LRFN5: variants seen among roughly 807,000 people sequenced by gnomAD.
LRFN5 encodes leucine rich repeat and fibronectin type III domain containing 5.
LRFN5 carries 24 observed loss-of-function variants against 45.6 expected under a neutral mutation model. That is an observed-to-expected ratio of 0.53 (90% CI 0.38 to 0.74). The LOEUF is 0.74. LRFN5 is among the 30% of genes least tolerant of loss of function. The pLI, the probability that LRFN5 is intolerant of heterozygous loss-of-function variation, is 0.00. For missense variants in LRFN5, 776 were observed against 861.5 expected (o/e 0.90, Z 1.24); for synonymous variants, 340 against 313.8 (o/e 1.08, Z -0.88).
intron 1 of LRFN5, among the ~76,000 whole-genome samples, chr14:41,734,321 TATATATATATA>T (rs1884321363): frequency 2.9e-5 from 2 of 68,634 alleles, no homozygotes; most frequent in Non-Finnish European, 5.1e-5. Context: ...TGGTTTTATA[TATATATATATA>T]TATATATATA....
rs1289931690 is a variant in LRFN5 at position 41,786,126 on chromosome 14, T to A, written c.-21+19097T>A. On this transcript the variant is annotated intron_variant, in intron 2 of 5. Coordinates refer to ENST00000298119, the MANE Select transcript of LRFN5 (RefSeq NM_152447.5). ...TTGTCTTATAGTTTACTTCTATGTATGTTATAAACTCTACAACATAGAGTT... is the reference window on the plus strand; with the variant it reads ...TTGTCTTATAGTTTACTTCTATGTAAGTTATAAACTCTACAACATAGAGTT... Among the ~76,000 whole-genome samples, 4 of 152,166 alleles carry A rather than the reference T, an allele frequency of 2.6e-5. 1 individual carries two copies. Among genetic ancestry groups the A allele is most frequent in the African/African-American group, 7.2e-5 (3 of 41,442 alleles).
chr14:41,629,095 T>G (rs1888447262), intron 1 of LRFN5, among the ~76,000 whole-genome samples: 1 of 152,060 alleles, frequency 6.6e-6, no homozygotes, highest in African/African-American at 2.4e-5. Flanking sequence ...AGATGCCATA[T>G]GTCTCTACAT....
At chr14:41,670,560 C>A (rs1008998467) in intron 1 of LRFN5, among the ~76,000 whole-genome samples, 60 of 151,500 alleles carry the variant, frequency 4.0e-4, no homozygotes, top group Admixed American at 2.6e-4. Flanking sequence ...ATCTTTCAAG[C>A]CACTTATAAC....
chr14:41,784,717 C>G (rs556311595), intron 2 of LRFN5, among the ~76,000 whole-genome samples: 3 of 152,190 alleles, frequency 2.0e-5, no homozygotes, highest in Admixed American at 1.3e-4. Context: ...TAAGCTTCGC[C>G]TCCTGGGTTC....
chr14:41,626,061 C>T (rs913686463), intron 1 of LRFN5, among the ~76,000 whole-genome samples: 8 of 151,936 alleles, frequency 5.3e-5, no homozygotes, highest in Admixed American at 3.9e-4. Flanking sequence ...GATGGGAGTA[C>T]TTTCTAGGGT....
chr14:41,883,626 A>G lies in LRFN5; in HGVS notation c.-20-2980A>G, dbSNP rs1024736922. ...GAGCACTTTAAAGATGTTTTTCATT[A>G]TCTTCCATCTCACTTTATTTACGAT... On this transcript the variant is annotated intron_variant, in intron 2 of 5. Coordinates refer to ENST00000298119, the MANE Select transcript of LRFN5 (RefSeq NM_152447.5). 5.9e-5 allele frequency among the ~76,000 whole-genome samples: 9 copies of G among 152,294 alleles called. 1 individual carries two copies. The highest frequency in any genetic ancestry group is 2.2e-4 in the African/African-American group (9 of 41,582).
At position 41,809,358 on chromosome 14, in the gene LRFN5, TAGTC is replaced by T. The variant is rs899762320; in HGVS notation, c.-21+42332_-21+42335del. On this transcript the variant is annotated intron_variant, in intron 2 of 5. Coordinates refer to ENST00000298119, the MANE Select transcript of LRFN5 (RefSeq NM_152447.5). ...ATTATTTGTATTATATCTAAAATAG[TAGTC>T]AGGCACCTTACTAAACTCTTTTATT... Among the ~76,000 whole-genome samples the T allele has an allele frequency of 1.2e-4, 18 of 152,164 alleles. No individual in the cohort carries two copies. The East Asian group carries it at 1.5e-3, about 13-fold the overall frequency.
chr14:41,610,573 A>G (rs1887705997), intron 1 of LRFN5, among the ~76,000 whole-genome samples: 1 of 150,188 alleles, frequency 6.7e-6, no homozygotes, highest in Admixed American at 6.7e-5. Flanking sequence ...TTTGCTTTGT[A>G]ACTTCTAGCT....
At chr14:41,709,832 AAATAT>A (rs1281614206) in intron 1 of LRFN5, among the ~76,000 whole-genome samples, 8 of 152,084 alleles carry the variant, frequency 5.3e-5, no homozygotes, top group African/African-American at 1.9e-4. Context: ...CTAAATAGAA[AAATAT>A]AATATTTTAC....
At chr14:41,664,305 G>A (rs1014449761) in intron 1 of LRFN5, among the ~76,000 whole-genome samples, 1 of 151,804 alleles carries the variant, frequency 6.6e-6, no homozygotes, top group Non-Finnish European at 1.5e-5. Flanking sequence ...CTAGTTATAA[G>A]TGGTAACAGA....
At chr14:41,670,849 A>T (rs1332888944) in intron 1 of LRFN5, among the ~76,000 whole-genome samples, 1 of 152,040 alleles carries the variant, frequency 6.6e-6, no homozygotes, top group Non-Finnish European at 1.5e-5. Flanking sequence ...ATGATGATGA[A>T]TTCTGTTACA....
chr14:41,819,901 A>T (rs1888052848), intron 2 of LRFN5, among the ~76,000 whole-genome samples: 1 of 151,666 alleles, frequency 6.6e-6, no homozygotes, highest in Non-Finnish European at 1.5e-5. Flanking sequence ...CTTTTTTCAT[A>T]TGTTCACTGA....
chr14:41,641,050 G>C (rs895145304), intron 1 of LRFN5, among the ~76,000 whole-genome samples: 1 of 151,958 alleles, frequency 6.6e-6, no homozygotes, highest in Non-Finnish European at 1.5e-5. Context: ...GAATGGCTGA[G>C]TAGACAAAGA....
At chr14:41,743,089 G>A (rs36058907) in intron 1 of LRFN5, 38,998 of 155,030 alleles carry the variant, frequency 0.25, 5,649 homozygotes, top group South Asian at 0.43. Flanking sequence ...ACTGTCTCAT[G>A]GCATGATCCA....
chr14:41,792,259 C>T (rs554506158), intron 2 of LRFN5, among the ~76,000 whole-genome samples: 2 of 152,146 alleles, frequency 1.3e-5, no homozygotes, highest in South Asian at 4.2e-4. Flanking sequence ...AGATCACATG[C>T]TTCTGAGGGA....
Position 41,757,150 on chromosome 14 carries a change from G to A in LRFN5, c.-196-9704G>A, listed in dbSNP as rs555233881. Among the ~76,000 whole-genome samples the A allele has an allele frequency of 4.6e-5, 7 of 152,302 alleles. No individual in the cohort carries two copies. In the East Asian group the frequency reaches 1.4e-3, roughly 29 times the overall value. On this transcript the variant is annotated intron_variant, in intron 1 of 5. Coordinates refer to ENST00000298119, the MANE Select transcript of LRFN5 (RefSeq NM_152447.5). ...CTCAGAGGAGTACCCGGCCGTGTGA[G>A]GTGTCAGTCTGCCCCTACTAGGGGG...
rs574744576 is a variant in LRFN5 at position 41,904,414 on chromosome 14, T to A, written c.*239T>A. 1.7e-3 allele frequency: 745 copies of A among 427,650 alleles called. 4 individuals carry two copies. Among genetic ancestry groups the A allele is most frequent in the East Asian group, 3.4e-3 (94 of 27,916 alleles). 26.5% of individuals were successfully genotyped at this position (427,650 alleles called of 1,614,324 possible). On this transcript the variant is annotated 3_prime_UTR_variant, in exon 6 of 6. Transcript: ENST00000298119. ...TTCTGGCCTACAAGTATTTTTTTTT[T>A]AAAAAAGAAAAAAAGCCTACATTGG...
intron 5 of LRFN5, among the ~76,000 whole-genome samples, chr14:41,900,270 G>T (rs954074930): frequency 3.9e-5 from 6 of 151,976 alleles, no homozygotes; most frequent in African/African-American, 1.4e-4. Flanking sequence ...GCGAGTAAAT[G>T]TCTACGTAAG....
chr14:41,891,869 A>G lies in LRFN5; in HGVS notation c.2005A>G (p.Asn669Asp), dbSNP rs1313105824. The change falls in exon 4 of 6, where the codon AAC becomes GAC. Residue 669 changes from asparagine (N) to aspartate (D), a missense_variant. By Grantham distance (23) the Asn-to-Asp change is conservative. Transcript: ENST00000298119. ...CACAAATGTTGAATCCCAAAACACT[A>G]ACAGGAACAACTCAACTGCCTTGCA... is the stretch of plus-strand genomic sequence containing the variant. ...AVTNVESQNT[N>D]RNNSTALQLA... 6.2e-7 allele frequency: 1 copy of G among 1,614,194 alleles called. No individual in the cohort carries two copies. Among genetic ancestry groups the G allele is most frequent in the Non-Finnish European group, 8.5e-7 (1 of 1,180,030 alleles).
Sources: gnomAD v4.1 joint callset for allele counts (sites outside exome capture counted in the v4.1 genomes callset) on GRCh38, gnomAD v4.1.1 for gene constraint, MANE v1.5 for transcripts, NCBI Gene and HGNC (gene_info 2026-07-23, HGNC 2026-07-21) for gene names.